Variants in CEP68 observed in about 807,000 individuals in gnomAD.
CEP68 encodes centrosomal protein 68.
CEP68 carries 26 observed loss-of-function variants against 55.3 expected under a neutral mutation model. The ratio of observed to expected loss-of-function variants is 0.47; its 90% confidence interval spans 0.34 to 0.65. CEP68 has a LOEUF of 0.65. Among genes scored for constraint, CEP68 ranks in the 30% least tolerant of loss-of-function variants. CEP68 has a pLI of 0.01. For synonymous variants in CEP68, 402 were observed against 383.2 expected (o/e 1.05, Z -0.57); for missense variants, 957 against 946.7 (o/e 1.01, Z -0.14).
chr2:65,068,306 A>G (rs1676294017), intron 1 of CEP68, among the ~76,000 whole-genome samples: 1 of 152,068 alleles, frequency 6.6e-6, no homozygotes, highest in Non-Finnish European at 1.5e-5. Context: ...GTTGTTCCTG[A>G]ACCTCTTTGT....
Position 65,083,671 on chromosome 2 carries a change from C to CCAAA in CEP68, c.*40_*43dup, listed in dbSNP as rs1174937055. 6.6e-6 allele frequency: 1 copy of CCAAA among 152,188 alleles called. No individual in the cohort carries two copies. The highest frequency in any genetic ancestry group is 1.5e-5 in the Non-Finnish European group (1 of 68,048). 9.4% of individuals were successfully genotyped at this position (152,188 alleles called of 1,614,324 possible). A position where few individuals can be genotyped will look rare whatever the true frequency, so the allele number is the denominator to read the frequency against. Reference sequence around the variant, plus strand: ...CTCAGGCAGAGGTGCAACCTGTCGGCCAAACACTGGCTAGTGAGAAAAAAA... The same window carrying CCAAA: ...CTCAGGCAGAGGTGCAACCTGTCGGCCAAACAAACACTGGCTAGTGAGAAAAAAA... On this transcript the variant is annotated 3_prime_UTR_variant, in exon 7 of 7. Transcript: ENST00000377990.
chr2:65,082,261 T>A (rs536672680), intron 5 of CEP68, among the ~76,000 whole-genome samples: 1 of 152,198 alleles, frequency 6.6e-6, no homozygotes, highest in Non-Finnish European at 1.5e-5. Flanking sequence ...CAGAAAACCA[T>A]AATATCTCTG....
chr2:65,059,043 T>C (rs1186233114), intron 1 of CEP68, among the ~76,000 whole-genome samples: 2 of 152,174 alleles, frequency 1.3e-5, no homozygotes, highest in African/African-American at 4.8e-5. Flanking sequence ...GGGGGCCTCA[T>C]GTGGCTGACA....
rs569480577 is a variant in CEP68, at chr2:65,082,776, G to A, written c.*4+67G>A. On this transcript the variant is annotated intron_variant, in intron 6 of 6. Coordinates refer to ENST00000377990, the MANE Select transcript of CEP68 (RefSeq NM_015147.3). ...TGCTGTAACAGTTGGCCACTACTTA[G>A]AAGCTTGTTGAGCCAAGAACTATTA... 6.1e-6 allele frequency: 8 copies of A among 1,304,132 alleles called. No homozygotes were observed. The South Asian group carries it at 1.2e-4, about 20-fold the overall frequency. 80.8% of individuals were successfully genotyped at this position (1,304,132 alleles called of 1,614,324 possible).
intron 1 of CEP68, among the ~76,000 whole-genome samples, chr2:65,065,348 A>G (rs988152244): frequency 1.3e-5 from 2 of 152,232 alleles, no homozygotes; most frequent in African/African-American, 2.4e-5. Context: ...ATGTCCACTA[A>G]TAAGGGACTG....
At chr2:65,080,209 G>A (rs1676943983) in intron 5 of CEP68, 3 of 980,964 alleles carry the variant, frequency 3.1e-6, no homozygotes, top group East Asian at 1.1e-4. Flanking sequence ...ATACTTTTCT[G>A]TGCTTAGTCC....
chr2:65,068,361 C>A (rs1253921448), intron 1 of CEP68, among the ~76,000 whole-genome samples: 1 of 152,146 alleles, frequency 6.6e-6, no homozygotes, highest in Non-Finnish European at 1.5e-5. Context: ...AATCATCATC[C>A]TTCCCTGAGT....
intron 5 of CEP68, among the ~76,000 whole-genome samples, chr2:65,082,080 C>T (rs1668854707): frequency 6.6e-6 from 1 of 152,188 alleles, no homozygotes; most frequent in Non-Finnish European, 1.5e-5. Flanking sequence ...TTACAGACCA[C>T]CCATGTGAAA....
At chr2:65,057,704 A>T (rs1394907369) in intron 1 of CEP68, among the ~76,000 whole-genome samples, 1 of 152,250 alleles carries the variant, frequency 6.6e-6, no homozygotes, top group African/African-American at 2.4e-5. Context: ...TAAAGGTGAC[A>T]CAACAGAAAC....
intron 4 of CEP68, among the ~76,000 whole-genome samples, chr2:65,077,414 C>G (rs1278972976): frequency 6.6e-6 from 1 of 152,164 alleles, no homozygotes; most frequent in East Asian, 1.9e-4. Flanking sequence ...GAGGTAGTTA[C>G]CCCTGTGGTC....
At chr2:65,073,045 A>T (rs778059634) in intron 3 of CEP68, 65 bp downstream of exon 3, 2 of 1,542,748 alleles carry the variant, frequency 1.3e-6, no homozygotes, top group South Asian at 1.1e-5. Flanking sequence ...CAATCCACTA[A>T]CATCATAATA....
chr2:65,057,689 T>C (rs1675701456), intron 1 of CEP68, among the ~76,000 whole-genome samples: 1 of 152,200 alleles, frequency 6.6e-6, no homozygotes, highest in South Asian at 2.1e-4. Flanking sequence ...ATCAGCGTGG[T>C]AGTCTAAAGG....
rs189868297 is a variant in CEP68, at chr2:65,080,433, G to T, written c.2105-2103G>T. The T allele has an allele frequency of 4.7e-3, 4,606 of 985,370 alleles. 12 individuals carry two copies. The highest frequency in any genetic ancestry group is 5.2e-3 in the Non-Finnish European group (4,319 of 829,924). The allele number at this position is 985,370 out of a possible 1,614,324, so 61.0% of individuals were successfully genotyped here. ...TTCCGCCAGGAGCATGCTGTCAAAA[G>T]TCCATAGAGCCAGCCTACAAACATG... On this transcript the variant is annotated intron_variant, in intron 5 of 6. Transcript: ENST00000377990.
chr2:65,080,544 C>T, intron 5 of CEP68: 1 of 985,164 alleles, frequency 1.0e-6, no homozygotes, highest in Non-Finnish European at 1.2e-6. Flanking sequence ...AGCGTCCGTG[C>T]GCAGTGGCTC....
At chr2:65,061,858 C>T (rs1283614010) in intron 1 of CEP68, among the ~76,000 whole-genome samples, 2 of 152,268 alleles carry the variant, frequency 1.3e-5, no homozygotes, top group African/African-American at 4.8e-5. Flanking sequence ...CCTGCTTGGC[C>T]TCTGCCTTTA....
In CEP68 at chr2:65,082,529, T is replaced by G; in HGVS notation, c.2105-7T>G. 6.6e-7 allele frequency: 1 copy of G among 1,525,894 alleles called. No homozygotes were observed. 94.5% of individuals were successfully genotyped at this position (1,525,894 alleles called of 1,614,324 possible). ...TCTGGTTTAATTTCTTTGAACCTCA[T>G]TGTTAGTTTTAGAGGATGTCCTTGG... On this transcript the variant is annotated splice_region_variant and splice_polypyrimidine_tract_variant and intron_variant, in intron 5 of 6. Transcript: ENST00000377990.
rs1450066915 is a variant in CEP68 at position 65,071,528 on chromosome 2, C to G, written c.432C>G (p.Cys144Trp). The G allele has an allele frequency of 1.2e-6, 2 of 1,614,156 alleles. No individual in the cohort carries two copies. Among genetic ancestry groups the G allele is most frequent in the Non-Finnish European group, 1.7e-6 (2 of 1,180,008 alleles). ...GCCTTCCCAGAACAACAACTATTTGCTCAGGACATGATGCTGATACCGAAG... is the reference window on the plus strand; with the variant it reads ...GCCTTCCCAGAACAACAACTATTTGGTCAGGACATGATGCTGATACCGAAG... ...TLSLPRTTTI[C>W]SGHDADTEDD... The change falls in exon 3 of 7, where the codon TGC becomes TGG. Residue 144 changes from cysteine to tryptophan, a missense_variant. Physicochemically the swap from Cys to Trp is radical, Grantham distance 215. Transcript: ENST00000377990.
intron 1 of CEP68, among the ~76,000 whole-genome samples, chr2:65,066,933 C>CAA (rs1024556121): frequency 7.7e-6 from 1 of 129,436 alleles, no homozygotes. Flanking sequence ...GACTCTGTCT[C>CAA]AAAAAAAAAA....
intron 2 of CEP68, among the ~76,000 whole-genome samples, chr2:65,070,535 C>G (rs1676411218): frequency 6.6e-6 from 1 of 151,852 alleles, no homozygotes; most frequent in South Asian, 2.1e-4. Context: ...GCTGCAGGGT[C>G]CCCTTGTGGG....
Sources: gnomAD v4.1 joint callset for allele counts (sites outside exome capture counted in the v4.1 genomes callset) on GRCh38, gnomAD v4.1.1 for gene constraint, MANE v1.5 for transcripts, NCBI Gene and HGNC (gene_info 2026-07-23, HGNC 2026-07-21) for gene names.